The following ALG14 variants were observed in gnomAD, a reference collection of about 807,000 sequenced individuals.
ALG14 encodes the protein UDP-N-acetylglucosamine transferase subunit ALG14.
Under a neutral mutation model 22.8 loss-of-function variants are expected in ALG14, and 17 were observed. That is an observed-to-expected ratio of 0.75 (90% CI 0.51 to 1.12). The LOEUF (loss-of-function observed/expected upper bound fraction) is 1.12. Among genes scored for constraint, ALG14 ranks in the 50% most tolerant of loss-of-function variants. The probability of loss-of-function intolerance (pLI) is 0.00; values close to 1 mark genes in which losing one functional copy is unlikely to be tolerated. For missense variants in ALG14, 288 were observed against 271.8 expected (o/e 1.06, Z -0.42); for synonymous variants, 89 against 103.7 (o/e 0.86, Z 0.86).
chr1:95,062,877 T>C (rs1675215522), intron 2 of ALG14, among the ~76,000 whole-genome samples: 1 of 152,248 alleles, frequency 6.6e-6, no homozygotes, highest in Non-Finnish European at 1.5e-5. Context: ...ATCGCCACAC[T>C]ATCTTCCACA....
intron 2 of ALG14, among the ~76,000 whole-genome samples, chr1:95,040,043 G>A (rs1022484996): frequency 2.0e-5 from 3 of 151,926 alleles, no homozygotes; most frequent in Non-Finnish European, 4.4e-5. Flanking sequence ...GTGGTGGCTC[G>A]CACCTGTGGT....
chr1:94,999,655 T>A lies in ALG14; in HGVS notation c.421-16349A>T, dbSNP rs1452682355. Reference sequence around the variant, plus strand: ...TGGTCCAGTTCTCTTACTGGCCAAGTCCATCTCTCCTTTGGCTCCAGCTGT... The same window carrying A: ...TGGTCCAGTTCTCTTACTGGCCAAGACCATCTCTCCTTTGGCTCCAGCTGT... On this transcript the variant is annotated intron_variant, in intron 3 of 3. Coordinates refer to ENST00000370205, the MANE Select transcript of ALG14 (RefSeq NM_144988.4). 3.3e-5 allele frequency among the ~76,000 whole-genome samples: 5 copies of A among 152,162 alleles called. No homozygotes were observed. The South Asian group carries it at 8.3e-4, about 25-fold the overall frequency.
intron 1 of ALG14, among the ~76,000 whole-genome samples, 178 bp downstream of exon 1, chr1:95,072,585 G>A (rs1305285716): frequency 6.6e-6 from 1 of 152,170 alleles, no homozygotes; most frequent in Non-Finnish European, 1.5e-5. Context: ...TCTGGGCCGC[G>A]TCAGCAAACC....
chr1:95,017,634 A>G (rs976991017), intron 3 of ALG14, among the ~76,000 whole-genome samples: 2 of 152,096 alleles, frequency 1.3e-5, no homozygotes, highest in African/African-American at 4.8e-5. Flanking sequence ...AAAGAGACAG[A>G]AGAGAGAGGA....
At chr1:95,011,574 C>T (rs926673392) in intron 3 of ALG14, among the ~76,000 whole-genome samples, 7 of 152,058 alleles carry the variant, frequency 4.6e-5, no homozygotes, top group Non-Finnish European at 7.4e-5. Context: ...TACAGGCGCC[C>T]GCCACAGCAC....
intron 3 of ALG14, among the ~76,000 whole-genome samples, chr1:95,006,797 T>C (rs1453692251): frequency 1.3e-5 from 2 of 152,262 alleles, no homozygotes; most frequent in Non-Finnish European, 2.9e-5. Flanking sequence ...TTCTGGAATC[T>C]GAAAACTGTG....
At chr1:95,002,028 G>A (rs1487636271) in intron 3 of ALG14, among the ~76,000 whole-genome samples, 3 of 152,190 alleles carry the variant, frequency 2.0e-5, no homozygotes, top group African/African-American at 7.2e-5. Flanking sequence ...CTCATATGAT[G>A]TTCTATTTCC....
chr1:95,037,382 T>G (rs951926628), intron 2 of ALG14, among the ~76,000 whole-genome samples: 5 of 152,074 alleles, frequency 3.3e-5, no homozygotes, highest in Non-Finnish European at 7.4e-5. Context: ...AGGCAGGAGA[T>G]GTTTGCTGGG....
At chr1:95,034,810 T>G (rs1370030933) in intron 2 of ALG14, among the ~76,000 whole-genome samples, 1 of 152,156 alleles carries the variant, frequency 6.6e-6, no homozygotes, top group Non-Finnish European at 1.5e-5. Flanking sequence ...CATTTCCTTT[T>G]TCTTCCTTGA....
intron 2 of ALG14, 43 bp from the exon 3 acceptor site, chr1:95,027,303 T>C (rs752873646): frequency 6.2e-7 from 1 of 1,605,068 alleles, no homozygotes; most frequent in Non-Finnish European, 8.5e-7. Flanking sequence ...GAGTCACTGA[T>C]ATCAAAGTTA....
At chr1:95,049,697 C>A (rs1024299494) in intron 2 of ALG14, among the ~76,000 whole-genome samples, 3 of 151,782 alleles carry the variant, frequency 2.0e-5, no homozygotes, top group Non-Finnish European at 4.4e-5. Flanking sequence ...CATAATGAGA[C>A]CCTGTTACTA....
chr1:95,049,769 G>C (rs12753842), intron 2 of ALG14, among the ~76,000 whole-genome samples: 12,960 of 151,802 alleles, frequency 0.085, 620 homozygotes, highest in Non-Finnish European at 0.099. Context: ...TACTTGGGGG[G>C]CTGAGACAGG....
In ALG14 at chr1:94,981,961, C is replaced by G. The variant is rs1672505209; in HGVS notation, c.*1115G>C. The G allele has an allele frequency of 6.6e-6, 1 of 152,114 alleles. No individual in the cohort carries two copies. The highest frequency in any genetic ancestry group is 2.4e-5 in the African/African-American group (1 of 41,438). 9.4% of individuals were successfully genotyped at this position (152,114 alleles called of 1,614,324 possible). A position where few individuals can be genotyped will look rare whatever the true frequency, so the allele number is the denominator to read the frequency against. On this transcript the variant is annotated 3_prime_UTR_variant, in exon 4 of 4. Coordinates refer to ENST00000370205, the MANE Select transcript of ALG14 (RefSeq NM_144988.4). Reference sequence around the variant, plus strand: ...TGGAGGCCCTCTTCAGTGCAGAACTCTGTGTGACTGCACAGGCCACACACC... The same window carrying G: ...TGGAGGCCCTCTTCAGTGCAGAACTGTGTGTGACTGCACAGGCCACACACC...
Position 95,027,178 on chromosome 1 carries a change from T to G in ALG14, c.371A>C (p.His124Pro), listed in dbSNP as rs1553228218. Residue 124 changes from histidine (H) to proline (P), a missense_variant, in exon 3 of 4, where the codon CAC (histidine) becomes CCC (proline). Coordinates refer to ENST00000370205, the MANE Select transcript of ALG14 (RefSeq NM_144988.4). ...TAGGGGAAAGGAGAGCCACATGGAGTGCAAGGTGGTGAAAACGGTGGAGGG... is the reference window on the plus strand; with the variant it reads ...TAGGGGAAAGGAGAGCCACATGGAGGGCAAGGTGGTGAAAACGGTGGAGGG... ...SWPSTVFTTL[H>P]SMWLSFPLIH... 1 of 1,613,854 alleles carries G rather than the reference T, an allele frequency of 6.2e-7. No individual in the cohort carries two copies. Among genetic ancestry groups the G allele is most frequent in the Non-Finnish European group, 8.5e-7 (1 of 1,179,962 alleles).
chr1:95,006,988 T>C (rs1313346699), intron 3 of ALG14, among the ~76,000 whole-genome samples: 1 of 152,200 alleles, frequency 6.6e-6, no homozygotes, highest in East Asian at 1.9e-4. Context: ...GAATGTGGCT[T>C]CCAGAGCTGA....
intron 3 of ALG14, among the ~76,000 whole-genome samples, chr1:94,984,307 G>A (rs1429968209): frequency 6.6e-6 from 1 of 152,108 alleles, no homozygotes; most frequent in African/African-American, 2.4e-5. Context: ...TAGCACCAGA[G>A]AATCTTAGAG....
In ALG14 at chr1:94,981,334, T is replaced by C. The variant is rs151108791; in HGVS notation, c.*1742A>G. 4.6e-5 allele frequency: 7 copies of C among 152,236 alleles called. No homozygotes were observed. The highest frequency in any genetic ancestry group is 1.0e-4 in the Non-Finnish European group (7 of 68,018). The allele number at this position is 152,236 out of a possible 1,614,324, so 9.4% of individuals were successfully genotyped here. A position where few individuals can be genotyped will look rare whatever the true frequency, so the allele number is the denominator to read the frequency against. On this transcript the variant is annotated 3_prime_UTR_variant, in exon 4 of 4. Transcript: ENST00000370205. ...GGCCCACTAAATCCAGACAGCAAAG[T>C]GTTCTCACCATTCTGAGACACCTTC... is the stretch of plus-strand genomic sequence containing the variant.
intron 3 of ALG14, among the ~76,000 whole-genome samples, chr1:95,025,330 T>C (rs1215870854): frequency 6.6e-6 from 1 of 152,234 alleles, no homozygotes; most frequent in African/African-American, 2.4e-5. Flanking sequence ...CAAACCATCC[T>C]GTAAACAGAT....
intron 2 of ALG14, among the ~76,000 whole-genome samples, chr1:95,034,439 G>A (rs1674118449): frequency 6.6e-6 from 1 of 152,210 alleles, no homozygotes; most frequent in African/African-American, 2.4e-5. Flanking sequence ...ATAACTTGCT[G>A]AACAGACAAA....
Sources: gnomAD v4.1 joint callset for allele counts (sites outside exome capture counted in the v4.1 genomes callset) on GRCh38, gnomAD v4.1.1 for gene constraint, MANE v1.5 for transcripts, NCBI Gene and HGNC (gene_info 2026-07-23, HGNC 2026-07-21) for gene names.